The following NCKAP1 variants were observed in gnomAD, a reference collection of about 807,000 sequenced individuals.
NCKAP1 encodes NCK associated protein 1.
Under a neutral mutation model 151.2 loss-of-function variants are expected in NCKAP1, and 21 were observed. That is an observed-to-expected ratio of 0.14 (90% CI 0.10 to 0.20). The LOEUF (loss-of-function observed/expected upper bound fraction) is 0.20. NCKAP1 is among the 10% of genes least tolerant of loss of function. NCKAP1 has a pLI of 1.00. For missense variants in NCKAP1, 933 were observed against 1,352.1 expected (o/e 0.69, Z 4.86); for synonymous variants, 484 against 451.8 (o/e 1.07, Z -0.90).
At chr2:182,992,509 A>G (rs1426401192) in intron 8 of NCKAP1, among the ~76,000 whole-genome samples, 2 of 152,134 alleles carry the variant, frequency 1.3e-5, no homozygotes, top group South Asian at 2.1e-4. Context: ...CTACTAATTA[A>G]CTCAATTATT....
At chr2:182,967,406 G>T (rs889110487) in intron 15 of NCKAP1, 45 bp from the exon 16 acceptor site, 4 of 1,509,196 alleles carry the variant, frequency 2.7e-6, no homozygotes, top group Middle Eastern at 2.0e-4. Context: ...AAACATAAAT[G>T]ACTTCGGACT....
At chr2:182,967,653 T>C (rs770828181) in intron 15 of NCKAP1, among the ~76,000 whole-genome samples, 2 of 152,180 alleles carry the variant, frequency 1.3e-5, no homozygotes, top group Non-Finnish European at 2.9e-5. Flanking sequence ...AAACAATTAA[T>C]TGTCATATTA....
In NCKAP1 at chr2:182,924,112, T is replaced by C. The variant is rs959211384; in HGVS notation, c.*1590A>G. On this transcript the variant is annotated 3_prime_UTR_variant, in exon 31 of 31. Coordinates refer to ENST00000361354, the MANE Select transcript of NCKAP1 (RefSeq NM_013436.5). ...ATCAGACTATTTCAGGTCTGAACTA[T>C]GCCATTTTAAAATTTCCCTTTTTAA... The C allele has an allele frequency of 6.6e-6, 1 of 152,230 alleles. No individual in the cohort carries two copies. The highest frequency in any genetic ancestry group is 2.4e-5 in the African/African-American group (1 of 41,472). The allele number at this position is 152,230 out of a possible 1,614,324, so 9.4% of individuals were successfully genotyped here. A position where few individuals can be genotyped will look rare whatever the true frequency, so the allele number is the denominator to read the frequency against.
intron 23 of NCKAP1, among the ~76,000 whole-genome samples, chr2:182,951,636 C>CAA (rs11336221): frequency 0.024 from 2,165 of 90,056 alleles, 87 homozygotes; most frequent in East Asian, 0.062. Context: ...GACTCCATCT[C>CAA]AAAAAAAAAA....
chr2:183,023,282 T>G (rs1698829723), intron 2 of NCKAP1, among the ~76,000 whole-genome samples: 2 of 152,084 alleles, frequency 1.3e-5, no homozygotes. Context: ...AAGAAAAAAC[T>G]TTCCCATATG....
chr2:182,997,788 TC>T (rs1454776670), intron 6 of NCKAP1, among the ~76,000 whole-genome samples: 1 of 152,084 alleles, frequency 6.6e-6, no homozygotes, highest in Non-Finnish European at 1.5e-5. Flanking sequence ...TGAAACTATT[TC>T]AAAAAGTTGA....
rs1056407354 is a variant in NCKAP1 at position 182,919,093 on chromosome 2, A to AGG, written c.*6608_*6609insCC. 1 of 152,230 alleles carries AGG rather than the reference A, an allele frequency of 6.6e-6. No homozygotes were observed. The highest frequency in any genetic ancestry group is 6.5e-5 in the Admixed American group (1 of 15,284). 9.4% of individuals were successfully genotyped at this position (152,230 alleles called of 1,614,324 possible). On this transcript the variant is annotated 3_prime_UTR_variant, in exon 31 of 31. Transcript: ENST00000361354. Reference sequence around the variant, plus strand: ...AAAAGAGCAATATTTAGAGGTTTGAATTAGAGAAAACAGAGTATCTGGTAC... The same window carrying AGG: ...AAAAGAGCAATATTTAGAGGTTTGAAGGTTAGAGAAAACAGAGTATCTGGTAC...
intron 2 of NCKAP1, among the ~76,000 whole-genome samples, chr2:183,005,759 A>G (rs1273838747): frequency 3.3e-5 from 5 of 152,142 alleles, no homozygotes; most frequent in Non-Finnish European, 7.4e-5. Context: ...CACACACTAC[A>G]TACGGTAGCC....
chr2:182,985,318 G>A (rs1038769253), intron 10 of NCKAP1, among the ~76,000 whole-genome samples: 2 of 152,054 alleles, frequency 1.3e-5, no homozygotes, highest in Non-Finnish European at 2.9e-5. Flanking sequence ...TAGTACCTAA[G>A]TTAACTGGAG....
At chr2:182,931,245 A>G (rs1480288686) in intron 26 of NCKAP1, among the ~76,000 whole-genome samples, 2 of 152,162 alleles carry the variant, frequency 1.3e-5, no homozygotes, top group African/African-American at 4.8e-5. Context: ...TTTTTTAAGG[A>G]GTATTCATTT....
intron 1 of NCKAP1, among the ~76,000 whole-genome samples, chr2:183,033,534 T>C (rs1699045281): frequency 1.3e-5 from 2 of 152,216 alleles, no homozygotes; most frequent in African/African-American, 4.8e-5. Context: ...TTCTTGGCAC[T>C]AGAGACTTCA....
At chr2:183,008,070 G>A (rs1237305761) in intron 2 of NCKAP1, among the ~76,000 whole-genome samples, 1 of 152,050 alleles carries the variant, frequency 6.6e-6, no homozygotes, top group African/African-American at 2.4e-5. Flanking sequence ...GGGATTATAC[G>A]CATGCGCCAG....
intron 6 of NCKAP1, among the ~76,000 whole-genome samples, chr2:183,001,050 A>G (rs1698364810): frequency 6.6e-6 from 1 of 152,220 alleles, no homozygotes; most frequent in Non-Finnish European, 1.5e-5. Flanking sequence ...CTGAGATTGC[A>G]CCACTGCATT....
At chr2:182,956,823 A>T (rs1175896407) in intron 19 of NCKAP1, 3 of 400,060 alleles carry the variant, frequency 7.5e-6, no homozygotes, top group East Asian at 9.7e-5. Flanking sequence ...GAATATACTG[A>T]CTTAATATAC....
In NCKAP1 at chr2:182,989,070, T is replaced by A. The variant is rs200960008; in HGVS notation, c.907A>T (p.Ile303Phe). 1.8e-5 allele frequency: 29 copies of A among 1,613,460 alleles called. No homozygotes were observed. The highest frequency in any genetic ancestry group is 1.0e-5 in the Non-Finnish European group (12 of 1,179,882). The change falls in exon 9 of 31, where the codon ATT becomes TTT. Residue 303 changes from isoleucine (I) to phenylalanine (F), a missense_variant. Ile to Phe is a conservative substitution (Grantham distance 21, BLOSUM62 0). Transcript: ENST00000361354. ...AATAAGTCTTCTGCAGCTTTGTGAA[T>A]GTGGAAAACTTCATCCCGAAAGAGA... ...LSLFRDEVFH[I>F]HKAAEDLFVN...
At chr2:182,943,485 C>A (rs1019490018) in intron 23 of NCKAP1, among the ~76,000 whole-genome samples, 3 of 151,988 alleles carry the variant, frequency 2.0e-5, no homozygotes, top group Non-Finnish European at 4.4e-5. Context: ...TCTCTCTGGG[C>A]CAAAACAAAA....
intron 23 of NCKAP1, among the ~76,000 whole-genome samples, chr2:182,948,009 G>C (rs1175204865): frequency 6.6e-6 from 1 of 152,100 alleles, no homozygotes; most frequent in Non-Finnish European, 1.5e-5. Flanking sequence ...ATTATTAGGA[G>C]AGAACTCAAA....
chr2:183,011,101 C>A (rs972316689), intron 2 of NCKAP1, among the ~76,000 whole-genome samples: 1 of 152,164 alleles, frequency 6.6e-6, no homozygotes, highest in East Asian at 1.9e-4. Context: ...GTTTTTATTT[C>A]TCTATCAATT....
Position 183,002,342 on chromosome 2 carries a change from G to A in NCKAP1, c.370-73C>T, listed in dbSNP as rs921652342. ...TTTAAACACACACAAAATCTTCATA[G>A]AAGCTATTGAGAGCTAATAATTTTC... On this transcript the variant is annotated intron_variant, in intron 4 of 30. Transcript: ENST00000361354. The A allele has an allele frequency of 1.5e-5, 16 of 1,050,852 alleles. No homozygotes were observed. In the African/African-American group the frequency reaches 2.6e-4, roughly 17 times the overall value. 65.1% of individuals were successfully genotyped at this position (1,050,852 alleles called of 1,614,324 possible).
Sources: allele counts gnomAD v4.1 joint callset (sites outside exome capture counted in the v4.1 genomes callset), GRCh38; gene constraint gnomAD v4.1.1; transcripts MANE v1.5; gene names NCBI Gene and HGNC (gene_info 2026-07-23, HGNC 2026-07-21).